The following LYZ variants were observed in gnomAD, a reference collection of about 807,000 sequenced individuals.
The protein encoded by LYZ is lysozyme C.
In LYZ, 18 loss-of-function variants were observed where a neutral mutation model predicts 15.8. The ratio of observed to expected loss-of-function variants is 1.14; its 90% CI spans 0.79 to 1.69. The LOEUF (loss-of-function observed/expected upper bound fraction) is 1.69, where lower values mean the gene tolerates loss of function less well. Among genes scored for constraint, LYZ ranks in the 40% most tolerant of loss-of-function variants. The pLI is 0.00. For synonymous variants in LYZ, 60 were observed against 61.7 expected, an observed-to-expected ratio of 0.97 and a Z score of 0.13; for missense variants, 139 against 182.8, an observed-to-expected ratio of 0.76 and a Z score of 1.38.
intron 3 of LYZ, 84 bp downstream of exon 3, chr12:69,352,382 A>G: frequency 9.3e-7 from 1 of 1,080,410 alleles, no homozygotes; most frequent in Non-Finnish European, 1.4e-6. Flanking sequence ...AGACCAAAGT[A>G]TGCTAATGAC....
intron 1 of LYZ, among the ~76,000 whole-genome samples, chr12:69,349,449 CT>C (rs1874793418): frequency 6.6e-6 from 1 of 152,222 alleles, no homozygotes; most frequent in Admixed American, 6.5e-5. Context: ...ATCTACTCTA[CT>C]TGATTAACTA....
intron 2 of LYZ, among the ~76,000 whole-genome samples, chr12:69,351,227 T>G (rs1366649157): frequency 6.6e-6 from 1 of 152,170 alleles, no homozygotes; most frequent in Non-Finnish European, 1.5e-5. Context: ...ACAAATATTT[T>G]ACTGAACTCA....
At position 69,353,703 on chromosome 12, in the gene LYZ, T is replaced by A. The variant is rs568773222; in HGVS notation, c.*484T>A. 5.1e-5 allele frequency: 10 copies of A among 194,556 alleles called. No individual in the cohort carries two copies. The East Asian group carries it at 1.2e-3, about 24-fold the overall frequency. The allele number at this position is 194,556 out of a possible 1,614,324, so 12.1% of individuals were successfully genotyped here. On this transcript the variant is annotated 3_prime_UTR_variant, in exon 4 of 4. Transcript: ENST00000261267. The stretch of plus-strand genomic sequence containing the variant: ...CAGGGTTTCACCGTGTTAGCCAGGA[T>A]GGTCTCGATCTCCTGACCTTGTGAT...
rs893776933 is a variant in LYZ, at chr12:69,353,307, C to A, written c.*88C>A. ...TGAAAGGTCACACTACCATTATTTC[C>A]CCTTCAAACAAATAATATTTTTACA... On this transcript the variant is annotated 3_prime_UTR_variant, in exon 4 of 4. Coordinates refer to ENST00000261267, the MANE Select transcript of LYZ (RefSeq NM_000239.3). 1.0e-6 allele frequency: 1 copy of A among 997,022 alleles called. No homozygotes were observed. Among genetic ancestry groups the A allele is most frequent in the Non-Finnish European group, 1.6e-6 (1 of 617,586 alleles). 61.8% of individuals were successfully genotyped at this position (997,022 alleles called of 1,614,324 possible).
chr12:69,351,716 G>GAAA (rs937079819), intron 2 of LYZ, among the ~76,000 whole-genome samples: 9 of 150,850 alleles, frequency 6.0e-5, no homozygotes, highest in Non-Finnish European at 1.2e-4. Flanking sequence ...TTCCAGATGA[G>GAAA]AAAAAAATAC....
At position 69,353,494 on chromosome 12, in the gene LYZ, G is replaced by GTTTTTTTT. The variant is rs1565670433; in HGVS notation, c.*277_*278insTTTTTTTT. On this transcript the variant is annotated 3_prime_UTR_variant, in exon 4 of 4. Transcript: ENST00000261267. ...ATCAAATACATCTCCAGTACATTCC[G>GTTTTTTTT]TTCTTTTTTTTTTTGAGACAGTCTC... is the stretch of plus-strand genomic sequence containing the variant. The GTTTTTTTT allele has an allele frequency of 4.7e-6, 1 of 211,308 alleles. No individual in the cohort carries two copies. Among genetic ancestry groups the GTTTTTTTT allele is most frequent in the Non-Finnish European group, 7.8e-6 (1 of 128,020 alleles). 13.1% of individuals were successfully genotyped at this position (211,308 alleles called of 1,614,324 possible).
In LYZ at chr12:69,353,160, T is replaced by G; in HGVS notation, c.388T>G (p.Trp130Gly). Residue 130 changes from tryptophan to glycine, a missense_variant, in exon 4 of 4, where the codon TGG (tryptophan) becomes GGG (glycine). Transcript: ENST00000261267. The part of the protein sequence containing the change: ...DPQGIRAWVA[W>G]RNRCQNRDVR... ...CTTCATCTTTTTCTACAGGGTGGCA[T>G]GGAGAAATCGTTGTCAAAACAGAGA... 6.2e-7 allele frequency: 1 copy of G among 1,613,510 alleles called. No individual in the cohort carries two copies. The highest frequency in any genetic ancestry group is 8.5e-7 in the Non-Finnish European group (1 of 1,179,380).
Position 69,353,784 on chromosome 12 carries a change from G to C in LYZ, c.*565G>C, listed in dbSNP as rs886049808. The C allele has an allele frequency of 6.3e-6, 1 of 158,224 alleles. No individual in the cohort carries two copies. Among genetic ancestry groups the C allele is most frequent in the African/African-American group, 2.4e-5 (1 of 41,404 alleles). The allele number at this position is 158,224 out of a possible 1,614,324, so 9.8% of individuals were successfully genotyped here. ...ATTACAGGCGTGAGCCACTGCGCCC[G>C]GCCACATTCAGTTCTTATCAAAGAA... On this transcript the variant is annotated 3_prime_UTR_variant, in exon 4 of 4. Coordinates refer to ENST00000261267, the MANE Select transcript of LYZ (RefSeq NM_000239.3).
chr12:69,350,513 G>A, intron 2 of LYZ: 2 of 476,014 alleles, frequency 4.2e-6, no homozygotes, highest in Admixed American at 3.4e-5. Context: ...TACTGTCAAT[G>A]GCCTTACTGA....
chr12:69,352,038 C>T (rs1214064912), intron 2 of LYZ, among the ~76,000 whole-genome samples, 182 bp from the exon 3 acceptor site: 1 of 152,106 alleles, frequency 6.6e-6, no homozygotes, highest in East Asian at 1.9e-4. Flanking sequence ...GAAAAAAATG[C>T]TTCATTTCAT....
intron 1 of LYZ, 53 bp downstream of exon 1, chr12:69,348,597 T>C: frequency 2.5e-6 from 4 of 1,603,794 alleles, no homozygotes; most frequent in Non-Finnish European, 3.4e-6. Context: ...GAACAGACAC[T>C]AGGAGAGAAG....
chr12:69,352,595 C>G, intron 3 of LYZ, among the ~76,000 whole-genome samples: 1 of 152,150 alleles, frequency 6.6e-6, no homozygotes, highest in South Asian at 2.1e-4. Flanking sequence ...AAGTGTGGGC[C>G]GGGCACAGTG....
In LYZ at chr12:69,348,385, T is replaced by G; in HGVS notation, c.-24T>G. On this transcript the variant is annotated 5_prime_UTR_variant, in exon 1 of 4. Coordinates refer to ENST00000261267, the MANE Select transcript of LYZ (RefSeq NM_000239.3). The stretch of plus-strand genomic sequence containing the variant: ...TGGGGCCAGCTCACCCTGGTCAGCC[T>G]AGCACTCTGACCTAGCAGTCAACAT... The G allele has an allele frequency of 1.9e-6, 3 of 1,613,964 alleles. No homozygotes were observed. The highest frequency in any genetic ancestry group is 2.5e-6 in the Non-Finnish European group (3 of 1,179,998).
intron 2 of LYZ, 67 bp downstream of exon 2, chr12:69,350,339 A>G (rs1874816274): frequency 6.5e-7 from 1 of 1,546,754 alleles, no homozygotes; most frequent in Non-Finnish European, 8.9e-7. Context: ...TACAAATGAA[A>G]AAGCCTTGAA....
chr12:69,350,365 C>T (rs969666700), intron 2 of LYZ, 93 bp downstream of exon 2: 22 of 1,242,700 alleles, frequency 1.8e-5, no homozygotes, highest in Non-Finnish European at 2.5e-5. Context: ...CATGAGGGAC[C>T]TAGAAAAACT....
chr12:69,350,302 G>C (rs745834052), intron 2 of LYZ, 30 bp downstream of exon 2: 1 of 1,612,056 alleles, frequency 6.2e-7, no homozygotes, highest in Non-Finnish European at 8.5e-7. Context: ...GACCAATCTG[G>C]TTATACTTAC....
At chr12:69,350,005 A>G (rs1273090121) in intron 1 of LYZ, 103 bp from the exon 2 acceptor site, 1 of 943,240 alleles carries the variant, frequency 1.1e-6, no homozygotes, top group Admixed American at 1.9e-5. Flanking sequence ...TTATACTTAT[A>G]AAACAAATCA....
intron 2 of LYZ, among the ~76,000 whole-genome samples, chr12:69,351,344 AT>A (rs1204843609): frequency 6.6e-6 from 1 of 151,780 alleles, no homozygotes; most frequent in African/African-American, 2.4e-5. Flanking sequence ...AATAAAGAAC[AT>A]TAATCTTATT....
In LYZ at chr12:69,348,387, G is replaced by A. The variant is rs945764997; in HGVS notation, c.-22G>A. On this transcript the variant is annotated 5_prime_UTR_variant, in exon 1 of 4. Coordinates refer to ENST00000261267, the MANE Select transcript of LYZ (RefSeq NM_000239.3). Reference sequence around the variant, plus strand: ...GGGCCAGCTCACCCTGGTCAGCCTAGCACTCTGACCTAGCAGTCAACATGA... The same window carrying A: ...GGGCCAGCTCACCCTGGTCAGCCTAACACTCTGACCTAGCAGTCAACATGA... 4.1e-5 allele frequency: 66 copies of A among 1,613,790 alleles called. 1 individual carries two copies. The highest frequency in any genetic ancestry group is 5.2e-5 in the Non-Finnish European group (61 of 1,179,936).
Sources: allele counts gnomAD v4.1 joint callset (sites outside exome capture counted in the v4.1 genomes callset), GRCh38; gene constraint gnomAD v4.1.1; transcripts MANE v1.5; gene names NCBI Gene and HGNC (gene_info 2026-07-23, HGNC 2026-07-21).